The following MPP7 variants were observed in gnomAD, a reference collection of about 807,000 sequenced individuals.
MPP7 encodes the protein MAGUK p55 scaffold protein 7, also known as MAGUK p55 subfamily member 7.
MPP7 carries 60 observed loss-of-function variants against 76.5 expected under a neutral mutation model. The ratio of observed to expected loss-of-function variants is 0.78; its 90% confidence interval spans 0.64 to 0.97. MPP7 has a LOEUF of 0.97. Ranked by LOEUF, MPP7 falls within the 50% of genes least tolerant of loss-of-function variation. MPP7 has a pLI of 0.00. For synonymous variants in MPP7, 237 were observed against 244.5 expected (o/e 0.97, Z 0.29); for missense variants, 641 against 694.0 (o/e 0.92, Z 0.86).
At chr10:28,067,400 G>A (rs1852035081) in intron 13 of MPP7, among the ~76,000 whole-genome samples, 1 of 151,410 alleles carries the variant, frequency 6.6e-6, no homozygotes, top group South Asian at 2.1e-4. Context: ...CTGGTTTGAT[G>A]CGGTATTTTC....
chr10:28,106,121 T>C (rs1834316701), intron 11 of MPP7, among the ~76,000 whole-genome samples: 1 of 152,234 alleles, frequency 6.6e-6, no homozygotes, highest in Admixed American at 6.5e-5. Flanking sequence ...TGCTGGGCCA[T>C]GGGATATCTG....
At chr10:28,308,185 T>A (rs564516332) in intron 2 of MPP7, among the ~76,000 whole-genome samples, 2 of 152,318 alleles carry the variant, frequency 1.3e-5, no homozygotes, top group East Asian at 3.9e-4. Context: ...AACAAACAGC[T>A]GTTATCTGGT....
At chr10:28,313,095 C>T (rs1279757795) in intron 2 of MPP7, among the ~76,000 whole-genome samples, 2 of 152,188 alleles carry the variant, frequency 1.3e-5, no homozygotes, top group Non-Finnish European at 2.9e-5. Context: ...TAACTCACAG[C>T]TTTCTCCTGT....
chr10:28,085,980 T>C (rs1852989703), intron 12 of MPP7, among the ~76,000 whole-genome samples: 1 of 152,188 alleles, frequency 6.6e-6, no homozygotes, highest in South Asian at 2.1e-4. Context: ...TGAGTTCATG[T>C]CCTTTGCAGA....
At chr10:28,316,435 TAAAAAAAAAAAAAAAA>T (rs549621404) in intron 2 of MPP7, among the ~76,000 whole-genome samples, 16 of 37,150 alleles carry the variant, frequency 4.3e-4, no homozygotes, top group African/African-American at 5.0e-4. Flanking sequence ...ACTCTGTCTT[TAAAAAAAAAAAAAAAA>T]AAAAAAAAAA....
At chr10:28,266,545 G>T (rs547344117) in intron 1 of MPP7, among the ~76,000 whole-genome samples, 50 of 152,152 alleles carry the variant, frequency 3.3e-4, no homozygotes, top group Non-Finnish European at 5.1e-4. Flanking sequence ...ACTCCAGCCT[G>T]GGTGACAGAG....
At chr10:28,064,082 T>G (rs1226072866) in intron 13 of MPP7, among the ~76,000 whole-genome samples, 1 of 152,108 alleles carries the variant, frequency 6.6e-6, no homozygotes, top group Non-Finnish European at 1.5e-5. Context: ...TCCTACATAG[T>G]TGGCCAAGAG....
rs767075171 is a variant in MPP7 at position 28,059,759 on chromosome 10, A to G, written c.1205-16T>C. 1 of 1,583,276 alleles carries G rather than the reference A, an allele frequency of 6.3e-7. No individual in the cohort carries two copies. The highest frequency in any genetic ancestry group is 1.1e-5 in the South Asian group (1 of 89,384). ...CTGGTGGTATCTATGATTTAATGAA[A>G]AGGAGTTTAGAAAAGCCCACATCAG... is the stretch of plus-strand genomic sequence containing the variant. On this transcript the variant is annotated splice_polypyrimidine_tract_variant and intron_variant, in intron 13 of 16. Coordinates refer to ENST00000683449, the MANE Select transcript of MPP7 (RefSeq NM_001318170.2).
rs370551177 is a variant in MPP7, at chr10:28,251,987, T to C, written c.-131-13252A>G. Among the ~76,000 whole-genome samples, 12 of 152,338 alleles carry C rather than the reference T, an allele frequency of 7.9e-5. No homozygotes were observed. In the East Asian group the frequency reaches 1.7e-3, roughly 22 times the overall value. On this transcript the variant is annotated intron_variant, in intron 1 of 16. Transcript: ENST00000683449. ...TATACTTTCCTACGCTAATTCCTGG[T>C]CCATTTTTAGTTTTTCTTTTGCAGT...
At chr10:28,327,621 C>T (rs1468342393) in intron 2 of MPP7, among the ~76,000 whole-genome samples, 1 of 152,038 alleles carries the variant, frequency 6.6e-6, no homozygotes, top group Admixed American at 6.6e-5. Flanking sequence ...TAATCTAGCT[C>T]CTATTGTTCC....
chr10:28,092,576 C>CATTTTTTTT (rs1564626626), intron 11 of MPP7, among the ~76,000 whole-genome samples: 9 of 101,604 alleles, frequency 8.9e-5, no homozygotes, highest in African/African-American at 3.6e-4. Context: ...AGAAAAGGGA[C>CATTTTTTTT]CTTTTTTTTT....
At chr10:28,169,528 AATT>A (rs1836607765) in intron 3 of MPP7, among the ~76,000 whole-genome samples, 1 of 150,856 alleles carries the variant, frequency 6.6e-6, no homozygotes. Context: ...TAAAAAAAAT[AATT>A]AATACACGTT....
chr10:28,166,400 A>ATT (rs34887665), intron 3 of MPP7, among the ~76,000 whole-genome samples: 1,095 of 93,212 alleles, frequency 0.012, 4 homozygotes, highest in East Asian at 0.052. Context: ...TTACCTTTTA[A>ATT]TTTTTTTTTT....
intron 1 of MPP7, among the ~76,000 whole-genome samples, chr10:28,286,935 G>A (rs1840802762): frequency 6.6e-6 from 1 of 152,120 alleles, no homozygotes. Context: ...GCTGAAATAG[G>A]AAAGTTCACA....
intron 3 of MPP7, among the ~76,000 whole-genome samples, chr10:28,189,967 C>T (rs192030757): frequency 1.3e-5 from 2 of 151,560 alleles, no homozygotes; most frequent in Non-Finnish European, 2.9e-5. Flanking sequence ...TACAGACACA[C>T]GAAAAGAAAA....
intron 1 of MPP7, among the ~76,000 whole-genome samples, chr10:28,255,561 C>T (rs1289699071): frequency 6.6e-6 from 1 of 151,878 alleles, no homozygotes; most frequent in Non-Finnish European, 1.5e-5. Flanking sequence ...AATACAGGCA[C>T]GTGCCACCAT....
chr10:28,087,387 CT>C (rs1204576641), intron 12 of MPP7, among the ~76,000 whole-genome samples: 6 of 151,484 alleles, frequency 4.0e-5, no homozygotes, highest in East Asian at 3.9e-4. Flanking sequence ...TAACACATGC[CT>C]TTTTTTTTCT....
At chr10:28,333,088 C>T (rs1834485429) in intron 1 of MPP7, among the ~76,000 whole-genome samples, 1 of 152,198 alleles carries the variant, frequency 6.6e-6, no homozygotes, top group Admixed American at 6.5e-5. Flanking sequence ...TTCTACTTAA[C>T]TTTAACCTAA....
At chr10:28,208,511 T>A (rs574137135) in intron 2 of MPP7, among the ~76,000 whole-genome samples, 2 of 152,260 alleles carry the variant, frequency 1.3e-5, no homozygotes, top group South Asian at 4.1e-4. Context: ...CCCATGGGCG[T>A]GTCACTAAAA....
Sources: gnomAD v4.1 joint callset for allele counts (sites outside exome capture counted in the v4.1 genomes callset) on GRCh38, gnomAD v4.1.1 for gene constraint, MANE v1.5 for transcripts, NCBI Gene and HGNC (gene_info 2026-07-23, HGNC 2026-07-21) for gene names.